PIGU: variants seen among roughly 807,000 people sequenced by gnomAD.
PIGU encodes the protein phosphatidylinositol glycan anchor biosynthesis class U.
Under a neutral mutation model 49.9 loss-of-function variants are expected in PIGU, and 24 were observed. The ratio of observed to expected loss-of-function variants is 0.48; its 90% CI spans 0.35 to 0.68. PIGU has a LOEUF of 0.68. Among genes scored for constraint, PIGU ranks in the 30% least tolerant of loss-of-function variants. PIGU has a pLI of 0.01. For synonymous variants in PIGU, 220 were observed against 205.7 expected, an observed-to-expected ratio of 1.07 and a Z score of -0.59; for missense variants, 490 against 532.6, an observed-to-expected ratio of 0.92 and a Z score of 0.79.
chr20:34,651,314 T>C (rs535785105), intron 2 of PIGU, among the ~76,000 whole-genome samples: 2 of 152,222 alleles, frequency 1.3e-5, no homozygotes, highest in Non-Finnish European at 2.9e-5. Flanking sequence ...CCCAGCACCC[T>C]GAGACTGCCA....
At chr20:34,579,010 A>T (rs985670613) in intron 10 of PIGU, 1 of 152,146 alleles carries the variant, frequency 6.6e-6, no homozygotes, top group African/African-American at 2.4e-5. Context: ...GCATTCGGAA[A>T]GAAAATCTCA....
chr20:34,597,892 G>T (rs191233505), intron 7 of PIGU, among the ~76,000 whole-genome samples: 2 of 152,224 alleles, frequency 1.3e-5, no homozygotes, highest in Admixed American at 1.3e-4. Flanking sequence ...TTCAAGAAAA[G>T]CCAAAGAATG....
chr20:34,570,202 C>G (rs1982945970), intron 11 of PIGU, among the ~76,000 whole-genome samples: 1 of 152,122 alleles, frequency 6.6e-6, no homozygotes, highest in Non-Finnish European at 1.5e-5. Flanking sequence ...AGACATTTTA[C>G]TAAAAGGGAA....
At chr20:34,655,968 C>CTTTTTT (rs759103027) in intron 2 of PIGU, among the ~76,000 whole-genome samples, 92 of 76,740 alleles carry the variant, frequency 1.2e-3, no homozygotes, top group Non-Finnish European at 1.6e-3. Context: ...TTTCACTATT[C>CTTTTTT]TTTTTTTTTT....
intron 6 of PIGU, among the ~76,000 whole-genome samples, chr20:34,622,139 TG>T (rs1255479550): frequency 6.6e-6 from 1 of 152,152 alleles, no homozygotes; most frequent in Non-Finnish European, 1.5e-5. Flanking sequence ...ATCTGGGTGC[TG>T]GTTACTCAAC....
intron 7 of PIGU, among the ~76,000 whole-genome samples, chr20:34,600,195 T>G (rs1243294686): frequency 6.6e-6 from 1 of 152,036 alleles, no homozygotes; most frequent in Admixed American, 6.5e-5. Context: ...TCACTTGAGG[T>G]CAGAAGTTCG....
At chr20:34,573,759 A>T (rs2146698186) in intron 11 of PIGU, among the ~76,000 whole-genome samples, 1 of 152,372 alleles carries the variant, frequency 6.6e-6, no homozygotes, top group Admixed American at 6.5e-5. Flanking sequence ...GTCAGAAGTA[A>T]GAGAGGCTGC....
intron 9 of PIGU, among the ~76,000 whole-genome samples, chr20:34,582,219 G>C (rs1983506115): frequency 6.6e-6 from 1 of 152,172 alleles, no homozygotes; most frequent in African/African-American, 2.4e-5. Context: ...CAGTTCTTAA[G>C]GGCTGGGACT....
intron 7 of PIGU, among the ~76,000 whole-genome samples, chr20:34,594,447 G>A (rs1984113875): frequency 6.6e-6 from 1 of 152,150 alleles, no homozygotes; most frequent in African/African-American, 2.4e-5. Flanking sequence ...TACTGATATG[G>A]AGGAATTTCC....
intron 6 of PIGU, among the ~76,000 whole-genome samples, chr20:34,622,262 T>C (rs1347793462): frequency 1.3e-5 from 2 of 152,124 alleles, no homozygotes; most frequent in Non-Finnish European, 2.9e-5. Flanking sequence ...CTCACCCCTG[T>C]AATCTCAGCA....
intron 2 of PIGU, among the ~76,000 whole-genome samples, chr20:34,646,412 A>G (rs1055463079): frequency 1.3e-5 from 2 of 152,132 alleles, no homozygotes; most frequent in South Asian, 2.1e-4. Context: ...GAGTTTTGAT[A>G]CGTTGGATTT....
At chr20:34,582,394 C>G (rs2146706843) in intron 9 of PIGU, among the ~76,000 whole-genome samples, 1 of 152,258 alleles carries the variant, frequency 6.6e-6, no homozygotes, top group African/African-American at 2.4e-5. Flanking sequence ...GGCAGGCAAT[C>G]CTGGGCCAGG....
At chr20:34,588,651 C>A in intron 7 of PIGU, 44 bp from the exon 8 acceptor site, 1 of 1,564,866 alleles carries the variant, frequency 6.4e-7, no homozygotes. Context: ...ATGTAAACAA[C>A]AGAGGGCAGC....
chr20:34,592,356 C>A (rs1984024054), intron 7 of PIGU, among the ~76,000 whole-genome samples: 1 of 143,930 alleles, frequency 6.9e-6, no homozygotes, highest in African/African-American at 2.6e-5. Flanking sequence ...AATAAAGGTA[C>A]AATATAAGGA....
At chr20:34,664,673 C>A (rs531356862) in intron 1 of PIGU, among the ~76,000 whole-genome samples, 52 of 145,578 alleles carry the variant, frequency 3.6e-4, no homozygotes, top group African/African-American at 1.3e-3. Flanking sequence ...CGTCTCAAAG[C>A]ATAAAAAATA....
chr20:34,591,913 C>T (rs185680238), intron 7 of PIGU, among the ~76,000 whole-genome samples: 82 of 152,276 alleles, frequency 5.4e-4, no homozygotes, highest in African/African-American at 1.9e-3. Context: ...GGTAGGCCGG[C>T]GTGTTGGCTC....
At chr20:34,583,852 T>C (rs1983585223) in intron 9 of PIGU, among the ~76,000 whole-genome samples, 1 of 152,198 alleles carries the variant, frequency 6.6e-6, no homozygotes, top group African/African-American at 2.4e-5. Context: ...TTTTACAGAA[T>C]GGGAACCACG....
intron 7 of PIGU, among the ~76,000 whole-genome samples, chr20:34,590,463 A>C (rs1401950224): frequency 2.0e-5 from 3 of 152,096 alleles, no homozygotes; most frequent in African/African-American, 7.2e-5. Flanking sequence ...AGACTAAGGC[A>C]TGAGAATCAC....
chr20:34,675,110 T>C (rs1987454653), intron 1 of PIGU, among the ~76,000 whole-genome samples: 1 of 151,606 alleles, frequency 6.6e-6, no homozygotes, highest in South Asian at 2.1e-4. Flanking sequence ...TAGCCAGGCA[T>C]GGTGGTGCAT....
Sources: allele counts gnomAD v4.1 joint callset (sites outside exome capture counted in the v4.1 genomes callset), GRCh38; gene constraint gnomAD v4.1.1; transcripts MANE v1.5; gene names NCBI Gene and HGNC (gene_info 2026-07-23, HGNC 2026-07-21).